BOC: variants seen among roughly 807,000 people sequenced by gnomAD.
BOC encodes the protein BOC cell adhesion associated, oncogene regulated, also known as brother of CDO.
A neutral mutation model predicts 112.0 loss-of-function variants in BOC; 76 were observed. That is an observed-to-expected ratio of 0.68 (90% CI 0.56 to 0.82). The LOEUF (loss-of-function observed/expected upper bound fraction) is 0.82. Ranked by LOEUF, BOC falls within the 40% of genes least tolerant of loss-of-function variation. The pLI, the probability that BOC is intolerant of heterozygous loss-of-function variation, is 0.00. For missense variants in BOC, 1,309 were observed against 1,511.7 expected, an observed-to-expected ratio of 0.87 and a Z score of 2.22; for synonymous variants, 580 against 599.8, an observed-to-expected ratio of 0.97 and a Z score of 0.48.
intron 15 of BOC, among the ~76,000 whole-genome samples, chr3:113,282,682 CAG>C (rs1392111447): frequency 6.6e-6 from 1 of 151,878 alleles, no homozygotes; most frequent in African/African-American, 2.4e-5. Flanking sequence ...TGAGAATATA[CAG>C]AGAGTACAGA....
In BOC at chr3:113,273,091, G is replaced by A. The variant is rs1948311382; in HGVS notation, c.984G>A (p.Glu328=). 6.2e-7 allele frequency: 1 copy of A among 1,607,332 alleles called. No homozygotes were observed. Among genetic ancestry groups the A allele is most frequent in the Admixed American group, 1.7e-5 (1 of 59,846 alleles). Reference sequence around the variant, plus strand: ...CAGAACCCCCTGAGGTCACCATGGAGCTATCCCAGCTGGTCATCCCCTGGG... The same window carrying A: ...CAGAACCCCCTGAGGTCACCATGGAACTATCCCAGCTGGTCATCCCCTGGG... ...QVFEPPEVTM[E]LSQLVIPWGQ... is the part of the protein sequence containing the mutation. The change falls in exon 8 of 20, where the codon GAG becomes GAA. Residue 328 remains glutamate (E), a synonymous_variant. Transcript: ENST00000682979.
chr3:113,272,952 A>G (rs1416308256), intron 7 of BOC, 117 bp from the exon 8 acceptor site: 2 of 1,336,390 alleles, frequency 1.5e-6, no homozygotes, highest in Admixed American at 2.2e-5. Context: ...TCTGCCCATT[A>G]GGAAAAAGCA....
At chr3:113,254,764 C>T (rs1946051285) in intron 4 of BOC, among the ~76,000 whole-genome samples, 2 of 152,356 alleles carry the variant, frequency 1.3e-5, no homozygotes, top group African/African-American at 2.4e-5. Context: ...CCACCTCCTG[C>T]ATCCACCCTT....
At chr3:113,279,556 G>C (rs1948993401) in intron 12 of BOC, 101 bp downstream of exon 12, 4 of 1,171,568 alleles carry the variant, frequency 3.4e-6, no homozygotes, top group Non-Finnish European at 4.8e-6. Context: ...CTCGGCCCAG[G>C]CCCCCACCCA....
chr3:113,233,655 C>T (rs913546106), intron 2 of BOC, among the ~76,000 whole-genome samples: 1 of 152,148 alleles, frequency 6.6e-6, no homozygotes, highest in African/African-American at 2.4e-5. Context: ...TAACAGTGTG[C>T]TGGGCTCTGG....
chr3:113,220,915 C>T (rs1314906483), intron 2 of BOC, among the ~76,000 whole-genome samples: 4 of 152,154 alleles, frequency 2.6e-5, no homozygotes, highest in Non-Finnish European at 5.9e-5. Flanking sequence ...TCTGAGACAA[C>T]AGAAGTCAGG....
chr3:113,221,324 C>T (rs1426658833), intron 2 of BOC, among the ~76,000 whole-genome samples: 1 of 152,164 alleles, frequency 6.6e-6, no homozygotes, highest in Non-Finnish European at 1.5e-5. Flanking sequence ...CTGATAGAGT[C>T]CTCACTGGCT....
At chr3:113,242,376 T>C (rs1944419592) in intron 2 of BOC, among the ~76,000 whole-genome samples, 1 of 152,156 alleles carries the variant, frequency 6.6e-6, no homozygotes, top group African/African-American at 2.4e-5. Flanking sequence ...GGAAGAGGTA[T>C]GAGTGACAAA....
At position 113,281,020 on chromosome 3, in the gene BOC, C is replaced by T. The variant is rs761713492; in HGVS notation, c.2312-11C>T. The T allele has an allele frequency of 1.7e-5, 28 of 1,613,648 alleles. No individual in the cohort carries two copies. The highest frequency in any genetic ancestry group is 3.3e-4 in the Middle Eastern group (2 of 6,084). On this transcript the variant is annotated splice_polypyrimidine_tract_variant and intron_variant, in intron 14 of 19. Coordinates refer to ENST00000682979, the MANE Select transcript of BOC (RefSeq NM_001378074.1). Reference sequence around the variant, plus strand: ...CATTGCCATGCACCATTCTCTGACTCTGTTTCCCAGGGGACAAGTACTGGC... The same window carrying T: ...CATTGCCATGCACCATTCTCTGACTTTGTTTCCCAGGGGACAAGTACTGGC...
rs1942777097 is a variant in BOC, at chr3:113,232,528, C to T, written c.-82+16254C>T. On this transcript the variant is annotated intron_variant, in intron 2 of 19. Coordinates refer to ENST00000682979, the MANE Select transcript of BOC (RefSeq NM_001378074.1). Reference sequence around the variant, plus strand: ...TAAACTGTCATGACTCCAAAGCATACTTAGCAGCTAGAGCTGGAGCTGTTT... The same window carrying T: ...TAAACTGTCATGACTCCAAAGCATATTTAGCAGCTAGAGCTGGAGCTGTTT... Among the ~76,000 whole-genome samples, 3 of 151,674 alleles carry T rather than the reference C, an allele frequency of 2.0e-5. No homozygotes were observed. The South Asian group carries it at 6.2e-4, about 31-fold the overall frequency.
At chr3:113,265,356 A>AG (rs1268484881) in intron 4 of BOC, among the ~76,000 whole-genome samples, 1 of 151,542 alleles carries the variant, frequency 6.6e-6, no homozygotes, top group African/African-American at 2.4e-5. Flanking sequence ...GAAAAGGAGG[A>AG]GGAAAAAAAA....
rs1019053293 is a variant in BOC at position 113,247,721 on chromosome 3, G to A, written c.-81-2001G>A. 5.9e-5 allele frequency among the ~76,000 whole-genome samples: 9 copies of A among 152,208 alleles called. No homozygotes were observed. In the South Asian group the frequency reaches 6.2e-4, roughly 11 times the overall value. On this transcript the variant is annotated intron_variant, in intron 2 of 19. Coordinates refer to ENST00000682979, the MANE Select transcript of BOC (RefSeq NM_001378074.1). ...GAAATACATTGTGTAAGAGCTTAGC[G>A]AGTTCCTGGAGTAGTGGCAGGCACC...
chr3:113,283,734 A>C (rs1949407117), intron 16 of BOC, 102 bp downstream of exon 16: 1 of 1,111,390 alleles, frequency 9.0e-7, no homozygotes, highest in Non-Finnish European at 1.3e-6. Context: ...GCTCAAGCCC[A>C]AGTCCCCCAA....
chr3:113,259,655 C>T (rs376893749), intron 4 of BOC, among the ~76,000 whole-genome samples: 3 of 152,134 alleles, frequency 2.0e-5, no homozygotes, highest in Non-Finnish European at 4.4e-5. Flanking sequence ...TAATCTTGAG[C>T]TCTATAGAAC....
intron 2 of BOC, among the ~76,000 whole-genome samples, chr3:113,218,052 T>A (rs1052972297): frequency 6.6e-6 from 1 of 152,160 alleles, no homozygotes; most frequent in Non-Finnish European, 1.5e-5. Flanking sequence ...AGACATTTAT[T>A]TTAAGGACGT....
intron 1 of BOC, among the ~76,000 whole-genome samples, chr3:113,215,228 A>G (rs1939124319): frequency 6.6e-6 from 1 of 152,168 alleles, no homozygotes; most frequent in South Asian, 2.1e-4. Flanking sequence ...GTTTGTTTTT[A>G]ATCTATAAAC....
chr3:113,223,641 T>C (rs35408890), intron 2 of BOC, among the ~76,000 whole-genome samples: 3 of 152,156 alleles, frequency 2.0e-5, no homozygotes, highest in Non-Finnish European at 2.9e-5. Flanking sequence ...TGGCAACCGC[T>C]GATCTACTAT....
Position 113,285,390 on chromosome 3 carries a change from G to A in BOC, c.2985G>A (p.Pro995=), listed in dbSNP as rs200237762. 1.4e-5 allele frequency: 22 copies of A among 1,613,132 alleles called. No individual in the cohort carries two copies. The highest frequency in any genetic ancestry group is 4.0e-5 in the African/African-American group (3 of 75,030). ...HQITRGPKSS[P]DEGSFLYTLP... ...ACTGCAGGGGTCCCAAGTCTAGCCC[G>A]GACGAGGGCTCTTTCTTATACACAC... Residue 995 remains proline (P), a synonymous_variant, in exon 19 of 20, where the codon CCG becomes CCA. Coordinates refer to ENST00000682979, the MANE Select transcript of BOC (RefSeq NM_001378074.1).
Position 113,287,186 on chromosome 3 carries a change from G to A in BOC, c.*324G>A, listed in dbSNP as rs1949767403. On this transcript the variant is annotated 3_prime_UTR_variant, in exon 20 of 20. Coordinates refer to ENST00000682979, the MANE Select transcript of BOC (RefSeq NM_001378074.1). ...GCTGCAGGAGGCCCACAGATAAGCT[G>A]GCAAGAGGAAGGATCCCAGGCACAT... The A allele has an allele frequency of 5.1e-6, 2 of 393,894 alleles. No homozygotes were observed. The highest frequency in any genetic ancestry group is 3.8e-5 in the South Asian group (2 of 53,168). 24.4% of individuals were successfully genotyped at this position (393,894 alleles called of 1,614,324 possible). A position where few individuals can be genotyped will look rare whatever the true frequency, so the allele number is the denominator to read the frequency against.
Sources: allele counts gnomAD v4.1 joint callset (sites outside exome capture counted in the v4.1 genomes callset), GRCh38; gene constraint gnomAD v4.1.1; transcripts MANE v1.5; gene names NCBI Gene and HGNC (gene_info 2026-07-23, HGNC 2026-07-21).